PSD3: variants seen among roughly 807,000 people sequenced by gnomAD.
PSD3 encodes pleckstrin and Sec7 domain containing 3.
PSD3 carries 49 observed loss-of-function variants against 105.5 expected under a neutral mutation model. That is an observed-to-expected ratio of 0.46 (90% confidence interval 0.37 to 0.59). PSD3 has a LOEUF of 0.59. PSD3 is among the 20% of genes least tolerant of loss of function. The probability of loss-of-function intolerance (pLI) is 0.00; values close to 1 mark genes in which losing one functional copy is unlikely to be tolerated. For synonymous variants in PSD3, 557 were observed against 457.8 expected (o/e 1.22, Z -2.77); for missense variants, 1,561 against 1,263.8 (o/e 1.24, Z -3.57).
At chr8:18,691,666 CTG>C (rs1800980722) in intron 9 of PSD3, among the ~76,000 whole-genome samples, 1 of 152,190 alleles carries the variant, frequency 6.6e-6, no homozygotes, top group African/African-American at 2.4e-5. Context: ...TGAGAAAATA[CTG>C]TTTCAAAAGC....
intron 12 of PSD3, among the ~76,000 whole-genome samples, chr8:18,591,939 G>A (rs751553270): frequency 2.0e-5 from 3 of 152,158 alleles, no homozygotes; most frequent in African/African-American, 4.8e-5. Context: ...TGACTGGTGA[G>A]GGGCTTCTGC....
intron 13 of PSD3, 144 bp from the exon 14 acceptor site, chr8:18,572,816 T>A: frequency 1.1e-6 from 1 of 902,142 alleles, no homozygotes; most frequent in Non-Finnish European, 1.7e-6. Flanking sequence ...AAAACTTCAT[T>A]AGAGATGAAC....
At chr8:18,640,879 T>C (rs551718719) in intron 10 of PSD3, among the ~76,000 whole-genome samples, 114 of 152,338 alleles carry the variant, frequency 7.5e-4, no homozygotes, top group Middle Eastern at 3.4e-3. Flanking sequence ...TAAACCGCTC[T>C]ATCCCTTTTG....
intron 9 of PSD3, among the ~76,000 whole-genome samples, chr8:18,660,562 T>C (rs1182962330): frequency 6.6e-6 from 1 of 152,206 alleles, no homozygotes; most frequent in Non-Finnish European, 1.5e-5. Context: ...CAAACAGTCT[T>C]TCCCCACAGT....
intron 9 of PSD3, among the ~76,000 whole-genome samples, chr8:18,704,741 C>CT (rs1222932252): frequency 3.9e-5 from 6 of 152,014 alleles, no homozygotes; most frequent in African/African-American, 1.5e-4. Flanking sequence ...TTCTGCCTTC[C>CT]TACAACATTC....
At chr8:19,000,416 A>G (rs375808407) in intron 1 of PSD3, among the ~76,000 whole-genome samples, 6 of 149,120 alleles carry the variant, frequency 4.0e-5, no homozygotes, top group East Asian at 3.9e-4. Flanking sequence ...AAAGAGAGAG[A>G]AAAAAAACCT....
intron 10 of PSD3, among the ~76,000 whole-genome samples, chr8:18,641,941 T>C (rs920587778): frequency 1.3e-5 from 2 of 152,166 alleles, no homozygotes; most frequent in African/African-American, 4.8e-5. Context: ...AATTTTAAAA[T>C]TCTGCTGAAA....
At position 18,980,893 on chromosome 8, in the gene PSD3, T is replaced by C. The variant is rs141773445; in HGVS notation, c.21+32670A>G. On this transcript the variant is annotated intron_variant, in intron 1 of 15. Coordinates refer to ENST00000327040, the MANE Select transcript of PSD3 (RefSeq NM_015310.4). The stretch of plus-strand genomic sequence containing the variant: ...GTGAACCTCTTTCAGTTCCCTGAAC[T>C]CTTTTCACAGCTTCTGATCGCTGGT... 1.1e-4 allele frequency among the ~76,000 whole-genome samples: 17 copies of C among 152,308 alleles called. No individual in the cohort carries two copies. In the East Asian group the frequency reaches 3.3e-3, roughly 29 times the overall value.
intron 9 of PSD3, among the ~76,000 whole-genome samples, chr8:18,678,715 G>A (rs1800207526): frequency 6.6e-6 from 1 of 152,164 alleles, no homozygotes; most frequent in South Asian, 2.1e-4. Context: ...GGGAGGCCGA[G>A]GCAGGGGAAT....
In PSD3 at chr8:18,528,362, G is replaced by C. The variant is rs1358243101; in HGVS notation, c.*7381C>G. The C allele has an allele frequency of 6.6e-6, 1 of 152,202 alleles. No homozygotes were observed. The highest frequency in any genetic ancestry group is 1.9e-4 in the East Asian group (1 of 5,194). The allele number at this position is 152,202 out of a possible 1,614,324, so 9.4% of individuals were successfully genotyped here. A position where few individuals can be genotyped will look rare whatever the true frequency, so the allele number is the denominator to read the frequency against. ...TAGTTAGAACTCAGGGTGCCAGTTT[G>C]TTTTTTGCAAAGGTAAAATACGTGG... On this transcript the variant is annotated 3_prime_UTR_variant, in exon 16 of 16. Coordinates refer to ENST00000327040, the MANE Select transcript of PSD3 (RefSeq NM_015310.4).
At chr8:18,749,094 T>A (rs1322293829) in intron 9 of PSD3, among the ~76,000 whole-genome samples, 1 of 152,260 alleles carries the variant, frequency 6.6e-6, no homozygotes, top group African/African-American at 2.4e-5. Context: ...ATGCTACGTG[T>A]TGATTATCTT....
chr8:18,631,435 C>T (rs1317053332), intron 11 of PSD3, among the ~76,000 whole-genome samples: 1 of 151,978 alleles, frequency 6.6e-6, no homozygotes, highest in African/African-American at 2.4e-5. Context: ...GAACAATCCT[C>T]TTTGGTGTCA....
At chr8:18,895,421 A>C (rs1213935696) in intron 2 of PSD3, among the ~76,000 whole-genome samples, 1 of 152,212 alleles carries the variant, frequency 6.6e-6, no homozygotes, top group Non-Finnish European at 1.5e-5. Flanking sequence ...CAAGACTATC[A>C]TGACTTTCTG....
intron 1 of PSD3, among the ~76,000 whole-genome samples, chr8:18,946,217 C>T (rs1389056716): frequency 6.6e-6 from 1 of 152,064 alleles, no homozygotes; most frequent in Non-Finnish European, 1.5e-5. Flanking sequence ...TATCCATTCC[C>T]TCAGTTTATC....
intron 1 of PSD3, among the ~76,000 whole-genome samples, chr8:19,011,693 T>C (rs990961381): frequency 6.6e-6 from 1 of 151,968 alleles, no homozygotes. Flanking sequence ...TGGTCACAAA[T>C]GAACAGTGTC....
chr8:18,538,584 G>A (rs546156274), intron 15 of PSD3, among the ~76,000 whole-genome samples: 9 of 152,140 alleles, frequency 5.9e-5, no homozygotes, highest in South Asian at 4.1e-4. Flanking sequence ...GGAAACCAGC[G>A]TAAGGCATAC....
At chr8:18,621,153 A>G (rs1426872240) in intron 11 of PSD3, among the ~76,000 whole-genome samples, 1 of 152,136 alleles carries the variant, frequency 6.6e-6, no homozygotes, top group Non-Finnish European at 1.5e-5. Flanking sequence ...CACGCCTGCA[A>G]TCCCAGCACT....
chr8:18,783,299 C>T (rs1255878165), intron 8 of PSD3, among the ~76,000 whole-genome samples: 1 of 152,158 alleles, frequency 6.6e-6, no homozygotes, highest in Non-Finnish European at 1.5e-5. Flanking sequence ...TTCCATAAGG[C>T]CAATAGTAAT....
intron 2 of PSD3, among the ~76,000 whole-genome samples, chr8:18,922,048 C>T (rs1253571542): frequency 6.6e-6 from 1 of 152,168 alleles, no homozygotes; most frequent in Non-Finnish European, 1.5e-5. Flanking sequence ...GCCAGTATGT[C>T]ACTTCTGCTT....
Sources: allele counts gnomAD v4.1 joint callset (sites outside exome capture counted in the v4.1 genomes callset), GRCh38; gene constraint gnomAD v4.1.1; transcripts MANE v1.5; gene names NCBI Gene and HGNC (gene_info 2026-07-23, HGNC 2026-07-21).